The following BORCS5 variants were observed in gnomAD, a reference collection of about 807,000 sequenced individuals.
BORCS5 encodes the protein BLOC-1-related complex subunit 5.
BORCS5 carries 17 observed loss-of-function variants against 22.1 expected under a neutral mutation model. That is an observed-to-expected ratio of 0.77 (90% CI 0.53 to 1.15). The LOEUF is 1.15. Among genes scored for constraint, BORCS5 ranks in the 50% most tolerant of loss-of-function variants. The pLI is 0.00. For synonymous variants in BORCS5, 117 were observed against 99.8 expected, an observed-to-expected ratio of 1.17 and a Z score of -1.03; for missense variants, 247 against 253.2, an observed-to-expected ratio of 0.98 and a Z score of 0.17.
At chr12:12,357,589 G>A (rs1236302349) in intron 1 of BORCS5, 80 bp downstream of exon 1, 1 of 1,464,244 alleles carries the variant, frequency 6.8e-7, no homozygotes, top group East Asian at 2.4e-5. Flanking sequence ...CTAGGGTCAG[G>A]GACTGCGGAC....
chr12:12,458,693 C>G (rs1296733244), intron 3 of BORCS5, among the ~76,000 whole-genome samples: 2 of 149,810 alleles, frequency 1.3e-5, no homozygotes, highest in Non-Finnish European at 3.0e-5. Flanking sequence ...ATTCTCCTGG[C>G]TGGCCACGGT....
intron 2 of BORCS5, among the ~76,000 whole-genome samples, chr12:12,390,000 C>T (rs532246689): frequency 9.2e-5 from 14 of 152,198 alleles, no homozygotes; most frequent in African/African-American, 2.4e-4. Context: ...AGCTCCAGGC[C>T]AAATCGGACT....
chr12:12,360,159 C>T (rs1261769612), intron 1 of BORCS5, among the ~76,000 whole-genome samples: 5 of 151,998 alleles, frequency 3.3e-5, no homozygotes, highest in Admixed American at 1.3e-4. Context: ...GTCAGGAGTT[C>T]GAGACCAGCC....
intron 2 of BORCS5, among the ~76,000 whole-genome samples, chr12:12,411,394 A>G (rs1251434517): frequency 6.6e-6 from 1 of 151,980 alleles, no homozygotes; most frequent in Non-Finnish European, 1.5e-5. Context: ...TCTTATTTGG[A>G]GAAATGTCGG....
In BORCS5 at chr12:12,414,091, G is replaced by A. The variant is rs1332380029; in HGVS notation, c.203-21537G>A. Among the ~76,000 whole-genome samples the A allele has an allele frequency of 3.4e-5, 3 of 88,194 alleles. 1 individual carries two copies. Among genetic ancestry groups the A allele is most frequent in the Non-Finnish European group, 7.1e-5 (3 of 42,332 alleles). The allele number at this position is 88,194 out of a possible 152,430, so 57.9% of individuals were successfully genotyped here. A position where few individuals can be genotyped will look rare whatever the true frequency, so the allele number is the denominator to read the frequency against. On this transcript the variant is annotated intron_variant, in intron 2 of 3. Coordinates refer to ENST00000314565, the MANE Select transcript of BORCS5 (RefSeq NM_058169.6). ...CCCCCACATCCCTCCCGGACGGGGC[G>A]GCTGGCCGGGCGGGGGGCTGACCCC... is the stretch of plus-strand genomic sequence containing the variant.
At chr12:12,423,071 G>A (rs113849742) in intron 2 of BORCS5, among the ~76,000 whole-genome samples, 114 of 151,428 alleles carry the variant, frequency 7.5e-4, no homozygotes, top group African/African-American at 2.5e-3. Flanking sequence ...GCGTGATCTC[G>A]ACTCACTGCA....
Position 12,439,483 on chromosome 12 carries a change from AAAC to A in BORCS5, c.360+3701_360+3703del, listed in dbSNP as rs369763620. ...TCTCTACAAAAAAGACCAAGAAAAAAAACAAACAGGCATGGTGGTGCGTGCCTG... is the reference window on the plus strand; with the variant it reads ...TCTCTACAAAAAAGACCAAGAAAAAAAAACAGGCATGGTGGTGCGTGCCTG... On this transcript the variant is annotated intron_variant, in intron 3 of 3. Transcript: ENST00000314565. Among the ~76,000 whole-genome samples the A allele has an allele frequency of 2.5e-3, 347 of 139,262 alleles. 3 individuals carry two copies. Among genetic ancestry groups the A allele is most frequent in the African/African-American group, 0.01 (303 of 29,532 alleles). The allele number at this position is 139,262 out of a possible 152,430, so 91.4% of individuals were successfully genotyped here.
intron 3 of BORCS5, among the ~76,000 whole-genome samples, chr12:12,441,924 T>C (rs1942691243): frequency 6.6e-6 from 1 of 152,196 alleles, no homozygotes; most frequent in African/African-American, 2.4e-5. Context: ...GCTTCTAGGC[T>C]GTGGATACAT....
intron 1 of BORCS5, among the ~76,000 whole-genome samples, chr12:12,360,567 ATTTTTTT>A (rs35965943): frequency 2.7e-4 from 24 of 89,240 alleles, no homozygotes; most frequent in East Asian, 4.3e-4. Context: ...ATTAAAAGAA[ATTTTTTT>A]TTTTTTTTTT....
In BORCS5 at chr12:12,445,651, AC is replaced by A. The variant is rs1018701020; in HGVS notation, c.360+9867del. On this transcript the variant is annotated intron_variant, in intron 3 of 3. Coordinates refer to ENST00000314565, the MANE Select transcript of BORCS5 (RefSeq NM_058169.6). ...TTTTATTTTTTAATTTAATTTTTTT[AC>A]AGAGAGTGTCTTGTTCTGTCACTTA... Among the ~76,000 whole-genome samples the A allele has an allele frequency of 4.9e-5, 7 of 143,498 alleles. No individual in the cohort carries two copies. The Admixed American group carries it at 5.1e-4, about 10-fold the overall frequency. The allele number at this position is 143,498 out of a possible 152,430, so 94.1% of individuals were successfully genotyped here. A position where few individuals can be genotyped will look rare whatever the true frequency, so the allele number is the denominator to read the frequency against.
intron 3 of BORCS5, among the ~76,000 whole-genome samples, chr12:12,451,698 A>G (rs753985425): frequency 1.6e-4 from 24 of 152,120 alleles, no homozygotes; most frequent in Middle Eastern, 6.8e-3. Flanking sequence ...TCTGGCCAAC[A>G]TGGTGAAACC....
chr12:12,423,702 T>G (rs1306714577), intron 2 of BORCS5, among the ~76,000 whole-genome samples: 2 of 151,774 alleles, frequency 1.3e-5, no homozygotes, highest in African/African-American at 2.4e-5. Flanking sequence ...TTTTGTTTGT[T>G]TTTTGAGACA....
intron 2 of BORCS5, among the ~76,000 whole-genome samples, chr12:12,402,053 G>A (rs1396772529): frequency 2.8e-5 from 4 of 140,902 alleles, no homozygotes; most frequent in Non-Finnish European, 4.5e-5. Context: ...GCTACAGAGC[G>A]AGACTCCGTC....
intron 2 of BORCS5, among the ~76,000 whole-genome samples, chr12:12,409,499 A>G (rs956722946): frequency 5.9e-5 from 9 of 151,870 alleles, no homozygotes; most frequent in Admixed American, 6.6e-5. Context: ...TTGTCCTTGC[A>G]ATAGTTTGCT....
chr12:12,451,166 CTTT>C, intron 3 of BORCS5, among the ~76,000 whole-genome samples: 1 of 139,062 alleles, frequency 7.2e-6, no homozygotes, highest in African/African-American at 2.7e-5. Context: ...AGAATTTATT[CTTT>C]TTTTTTTTTT....
chr12:12,377,066 C>A (rs1255958888), intron 2 of BORCS5, among the ~76,000 whole-genome samples: 1 of 151,952 alleles, frequency 6.6e-6, no homozygotes, highest in Non-Finnish European at 1.5e-5. Context: ...CCGGAGGAAA[C>A]TTTTTAGTGA....
At chr12:12,396,553 C>CA (rs1188932256) in intron 2 of BORCS5, among the ~76,000 whole-genome samples, 3 of 152,158 alleles carry the variant, frequency 2.0e-5, no homozygotes, top group African/African-American at 7.2e-5. Flanking sequence ...GTATTACAGT[C>CA]ATGGCAAATG....
intron 3 of BORCS5, among the ~76,000 whole-genome samples, chr12:12,458,677 C>G (rs1943043493): frequency 6.9e-6 from 1 of 145,910 alleles, no homozygotes; most frequent in Non-Finnish European, 1.5e-5. Flanking sequence ...CTTTTGGGTT[C>G]AAGAGATTCT....
Position 12,357,420 on chromosome 12 carries a change from G to T in BORCS5, c.-32G>T, listed in dbSNP as rs1298031973. The T allele has an allele frequency of 2.5e-6, 4 of 1,599,614 alleles. No homozygotes were observed. The highest frequency in any genetic ancestry group is 2.6e-6 in the Non-Finnish European group (3 of 1,170,054). On this transcript the variant is annotated 5_prime_UTR_variant, in exon 1 of 4. Coordinates refer to ENST00000314565, the MANE Select transcript of BORCS5 (RefSeq NM_058169.6). Reference sequence around the variant, plus strand: ...CGCCGGAGCGGTGACCGCCCGGCCCGCCGTTCTTCTGCTGCCACCGCTGTC... The same window carrying T: ...CGCCGGAGCGGTGACCGCCCGGCCCTCCGTTCTTCTGCTGCCACCGCTGTC...
Sources: gnomAD v4.1 joint callset for allele counts (sites outside exome capture counted in the v4.1 genomes callset) on GRCh38, gnomAD v4.1.1 for gene constraint, MANE v1.5 for transcripts, NCBI Gene and HGNC (gene_info 2026-07-23, HGNC 2026-07-21) for gene names.